Variants in MMP24 observed in about 807,000 individuals in gnomAD.
The protein encoded by MMP24 is matrix metallopeptidase 24.
In MMP24, 25 loss-of-function variants were observed where a neutral mutation model predicts 62.8. The observed-to-expected ratio is 0.40, with a 90% CI of 0.29 to 0.56. The LOEUF (loss-of-function observed/expected upper bound fraction) is 0.56. Among genes scored for constraint, MMP24 ranks in the 20% least tolerant of loss-of-function variants. The pLI is 0.50. For missense variants in MMP24, 634 were observed against 853.6 expected, an observed-to-expected ratio of 0.74 and a Z score of 3.21; for synonymous variants, 319 against 350.5, an observed-to-expected ratio of 0.91 and a Z score of 1.00.
chr20:35,260,176 C>G (rs186953373), intron 4 of MMP24, among the ~76,000 whole-genome samples: 1 of 152,320 alleles, frequency 6.6e-6, no homozygotes, highest in Non-Finnish European at 1.5e-5. Context: ...CTTCACCTCA[C>G]AAGCTCAGGG....
chr20:35,274,456 T>C lies in MMP24; in HGVS notation c.1785T>C (p.Asp595=), dbSNP rs202095693. Residue 595 remains aspartate, a synonymous_variant, in exon 9 of 9, where the codon GAT becomes GAC. Coordinates refer to ENST00000246186, the MANE Select transcript of MMP24 (RefSeq NM_006690.4). This position sits in a 1 kb window ranked among gnomAD's most constrained non-coding sequence, Gnocchi z 5.1. The stretch of plus-strand genomic sequence containing the variant: ...TGGACATCATGGTGACCATCAACGA[T>C]GTGCCGGGCTCCGTGAACGCCGTGG... ...DDVDIMVTIN[D]VPGSVNAVAV... 207 of 1,613,898 alleles carry C rather than the reference T, an allele frequency of 1.3e-4. No homozygotes were observed. Among genetic ancestry groups the C allele is most frequent in the Non-Finnish European group, 1.6e-4 (185 of 1,179,892 alleles).
chr20:35,231,465 A>C (rs76182347), intron 1 of MMP24, among the ~76,000 whole-genome samples: 9 of 152,176 alleles, frequency 5.9e-5, no homozygotes, highest in African/African-American at 1.7e-4. Context: ...GAAAAAAAAA[A>C]CTCACTATTA....
Position 35,237,287 on chromosome 20 carries a change from AG to A in MMP24, c.247-9551del, listed in dbSNP as rs199505194. Among the ~76,000 whole-genome samples, 1,494 of 152,296 alleles carry A rather than the reference AG, an allele frequency of 9.8e-3. 24 individuals are homozygous for A. Among genetic ancestry groups the A allele is most frequent in the African/African-American group, 0.034 (1,408 of 41,556 alleles). Reference sequence around the variant, plus strand: ...GGGCTGCATTCCTGCTGGAGTTTCTAGGAGAGGATCTCTTCCTTGCCTTTTC... The same window carrying A: ...GGGCTGCATTCCTGCTGGAGTTTCTAGAGAGGATCTCTTCCTTGCCTTTTC... On this transcript the variant is annotated intron_variant, in intron 1 of 8. Coordinates refer to ENST00000246186, the MANE Select transcript of MMP24 (RefSeq NM_006690.4).
intron 6 of MMP24, 140 bp downstream of exon 6, chr20:35,267,559 C>CT: frequency 1.2e-6 from 1 of 857,056 alleles, no homozygotes; most frequent in Admixed American, 2.7e-5. Context: ...GTGGCCAGGG[C>CT]ATGGGGTCTC....
At position 35,255,019 on chromosome 20, in the gene MMP24, G is replaced by A. The variant is rs149133093; in HGVS notation, c.817+265G>A. On this transcript the variant is annotated intron_variant, in intron 4 of 8. Coordinates refer to ENST00000246186, the MANE Select transcript of MMP24 (RefSeq NM_006690.4). ...AGGCCAGTAAGAAGATAAAGTAATG[G>A]ACCAGAGGCTGAAGAAAAAGTTTAA... Among the ~76,000 whole-genome samples, 141 of 152,042 alleles carry A rather than the reference G, an allele frequency of 9.3e-4. 3 individuals carry two copies. The East Asian group carries it at 0.026, about 28-fold the overall frequency.
intron 4 of MMP24, among the ~76,000 whole-genome samples, chr20:35,260,470 A>G (rs931019815): frequency 1.3e-5 from 2 of 152,248 alleles, no homozygotes; most frequent in African/African-American, 4.8e-5. Context: ...CCCCTGGGGA[A>G]GAGCCTGCTC....
At chr20:35,238,250 T>C (rs2060473028) in intron 1 of MMP24, among the ~76,000 whole-genome samples, 1 of 152,220 alleles carries the variant, frequency 6.6e-6, no homozygotes, top group Non-Finnish European at 1.5e-5. Flanking sequence ...CATGTCCATT[T>C]CGTCATGGTT....
intron 1 of MMP24, among the ~76,000 whole-genome samples, chr20:35,245,638 G>A (rs556689448): frequency 2.6e-5 from 4 of 151,594 alleles, no homozygotes; most frequent in Middle Eastern, 3.4e-3. Context: ...TAGTAGAGAC[G>A]AGGTTTCATC....
chr20:35,246,892 C>CGCT lies in MMP24; in HGVS notation c.302_304dup (p.Leu101dup). The CGCT allele has an allele frequency of 2.5e-6, 4 of 1,613,982 alleles. No individual in the cohort carries two copies. The highest frequency in any genetic ancestry group is 3.4e-6 in the Non-Finnish European group (4 of 1,179,828). On this transcript the variant is annotated inframe_insertion, in exon 2 of 9. Coordinates refer to ENST00000246186, the MANE Select transcript of MMP24 (RefSeq NM_006690.4). ...CTTCCCTATGACTCACGGGCATCTG[C>CGCT]GCTGCACTCAGCGAAGGCCTTGCAG...
chr20:35,239,076 C>A (rs1472212458), intron 1 of MMP24, among the ~76,000 whole-genome samples: 1 of 140,546 alleles, frequency 7.1e-6, no homozygotes, highest in Non-Finnish European at 1.5e-5. Context: ...TAGACAGAGT[C>A]TTGCTCTGTC....
intron 8 of MMP24, among the ~76,000 whole-genome samples, chr20:35,273,030 T>C (rs1014046975): frequency 6.6e-6 from 1 of 152,170 alleles, no homozygotes; most frequent in Non-Finnish European, 1.5e-5. Context: ...TCCATAATAA[T>C]AGACAGCTTG....
At chr20:35,260,897 T>C (rs1274098040) in intron 4 of MMP24, among the ~76,000 whole-genome samples, 1 of 152,112 alleles carries the variant, frequency 6.6e-6, no homozygotes, top group Non-Finnish European at 1.5e-5. Context: ...CCCACCCCCA[T>C]GTGTCCCTAG....
chr20:35,230,695 C>T (rs1021298942), intron 1 of MMP24, among the ~76,000 whole-genome samples: 4 of 152,088 alleles, frequency 2.6e-5, no homozygotes, highest in African/African-American at 4.8e-5. Flanking sequence ...GAGAGATAAC[C>T]GTGACCTTAG....
chr20:35,239,509 G>C (rs1387219493), intron 1 of MMP24, among the ~76,000 whole-genome samples: 3 of 152,124 alleles, frequency 2.0e-5, no homozygotes, highest in Non-Finnish European at 4.4e-5. Flanking sequence ...TGATGTTTAG[G>C]AGGTAGGACC....
Position 35,269,307 on chromosome 20 carries a change from G to A in MMP24, c.1195-453G>A, listed in dbSNP as rs1309431047. ...GAATGTGAATTCATGCCCAGGTCTC[G>A]AGGGAATTCCCATGACTTGGCTTCC... On this transcript the variant is annotated intron_variant, in intron 6 of 8. Coordinates refer to ENST00000246186, the MANE Select transcript of MMP24 (RefSeq NM_006690.4). This position sits in a 1 kb window ranked among gnomAD's most constrained non-coding sequence, Gnocchi z 4.6. 2.0e-5 allele frequency among the ~76,000 whole-genome samples: 3 copies of A among 152,164 alleles called. No individual in the cohort carries two copies. Among genetic ancestry groups the A allele is most frequent in the Admixed American group, 6.5e-5 (1 of 15,270 alleles).
chr20:35,246,816 CT>C, intron 1 of MMP24, 23 bp from the exon 2 acceptor site: 1 of 1,612,832 alleles, frequency 6.2e-7, no homozygotes, highest in Non-Finnish European at 8.5e-7. Flanking sequence ...CATAACGCAT[CT>C]TTTTCTTTCC....
chr20:35,245,282 C>A (rs2060508545), intron 1 of MMP24, among the ~76,000 whole-genome samples: 1 of 152,152 alleles, frequency 6.6e-6, no homozygotes. Context: ...TCACCTCAGC[C>A]TCTTAAAGCA....
intron 6 of MMP24, 116 bp downstream of exon 6, chr20:35,267,535 C>T: frequency 1.8e-6 from 2 of 1,102,124 alleles, no homozygotes; most frequent in Non-Finnish European, 2.6e-6. Context: ...GGGGCCTGGA[C>T]AGGAGCTAGC....
intron 1 of MMP24, among the ~76,000 whole-genome samples, chr20:35,243,544 C>T (rs1424849366): frequency 6.6e-6 from 1 of 152,156 alleles, no homozygotes; most frequent in South Asian, 2.1e-4. Flanking sequence ...GTATCCAGCA[C>T]TGTCCTGGGC....
Sources: allele counts gnomAD v4.1 joint callset (sites outside exome capture counted in the v4.1 genomes callset), GRCh38; gene constraint gnomAD v4.1.1; non-coding constraint Gnocchi (gnomAD v3.1); transcripts MANE v1.5; gene names NCBI Gene and HGNC (gene_info 2026-07-23, HGNC 2026-07-21).